The following ADSL variants were observed in gnomAD, a reference collection of about 807,000 sequenced individuals.
ADSL encodes the protein adenylosuccinate lyase.
Under a neutral mutation model 62.1 loss-of-function variants are expected in ADSL, and 44 were observed. That is an observed-to-expected ratio of 0.71 (90% CI 0.56 to 0.91). ADSL has a LOEUF of 0.91. ADSL is among the 40% of genes least tolerant of loss of function. ADSL has a pLI of 0.00. For synonymous variants in ADSL, 198 were observed against 220.5 expected, an observed-to-expected ratio of 0.90 and a Z score of 0.90; for missense variants, 531 against 627.4, an observed-to-expected ratio of 0.85 and a Z score of 1.64.
At chr22:40,348,882 G>A (rs1486496735) in intron 1 of ADSL, 1 of 313,976 alleles carries the variant, frequency 3.2e-6, no homozygotes, top group Non-Finnish European at 5.8e-6. Flanking sequence ...CTGCCTGTGG[G>A]CTGCCAGCTA....
At chr22:40,361,158 C>A in intron 7 of ADSL, 115 bp from the exon 8 acceptor site, 1 of 983,090 alleles carries the variant, frequency 1.0e-6, no homozygotes, top group African/African-American at 1.6e-5. Context: ...CGCTGGTCTT[C>A]AGCTCAGCCA....
intron 11 of ADSL, 29 bp downstream of exon 11, chr22:40,364,394 G>A (rs2044919487): frequency 1.3e-6 from 2 of 1,593,682 alleles, no homozygotes; most frequent in African/African-American, 1.3e-5. Flanking sequence ...TCCTGGATAA[G>A]TTGAGAGTGC....
rs2045079816 is a variant in ADSL, at chr22:40,368,783, GC to G, written c.*2262del. The G allele has an allele frequency of 6.6e-6, 1 of 151,986 alleles. No homozygotes were observed. 9.4% of individuals were successfully genotyped at this position (151,986 alleles called of 1,614,324 possible). On this transcript the variant is annotated 3_prime_UTR_variant, in exon 13 of 13. Transcript: ENST00000623063. Reference sequence around the variant, plus strand: ...CTCTACTAAAAATACAATCAACCGGGCGTGGTGGCAGGCGCCTATAGTCCCA... The same window carrying G: ...CTCTACTAAAAATACAATCAACCGGGGTGGTGGCAGGCGCCTATAGTCCCA...
At chr22:40,377,573 C>T (rs535207570) in intron 2 of ADSL, among the ~76,000 whole-genome samples, 34 of 152,260 alleles carry the variant, frequency 2.2e-4, no homozygotes, top group Middle Eastern at 6.8e-3. Flanking sequence ...TCGTGGCTCA[C>T]GCCTGTAATC....
intron 2 of ADSL, among the ~76,000 whole-genome samples, chr22:40,383,950 G>A (rs1259403175): frequency 2.0e-5 from 3 of 152,132 alleles, no homozygotes; most frequent in Admixed American, 6.5e-5. Context: ...TGATATGAGA[G>A]TAAAAGCAGG....
intron 2 of ADSL, among the ~76,000 whole-genome samples, chr22:40,385,253 T>G (rs2048230878): frequency 1.3e-5 from 2 of 150,880 alleles, no homozygotes; most frequent in Non-Finnish European, 3.0e-5. Flanking sequence ...GCTTAAGGAG[T>G]GAGTTGATTG....
chr22:40,364,280 T>C lies in ADSL; in HGVS notation c.1106T>C (p.Ile369Thr), dbSNP rs755688868. The change falls in exon 11 of 13, where the codon ATT becomes ACT. Residue 369 changes from isoleucine to threonine, a missense_variant. By Grantham distance (89) the Ile-to-Thr change is moderately conservative (BLOSUM62 -1). Coordinates refer to ENST00000623063, the MANE Select transcript of ADSL (RefSeq NM_000026.4). ...SEGLVVYPKV[I>T]ERRIRQELPF... ...TCACCGTATCTTTTCCTATAGGTAA[T>C]TGAACGGCGCATTCGGCAAGAGCTG... The C allele has an allele frequency of 2.2e-5, 36 of 1,613,812 alleles. No individual in the cohort carries two copies. Among genetic ancestry groups the C allele is most frequent in the Middle Eastern group, 1.7e-4 (1 of 5,990 alleles).
intron 2 of ADSL, among the ~76,000 whole-genome samples, chr22:40,384,069 T>C (rs2048029132): frequency 2.0e-5 from 3 of 152,054 alleles, no homozygotes. Context: ...GGCAAGATAG[T>C]AGGACCTTGT....
At chr22:40,357,104 C>T (rs373281271) in intron 4 of ADSL, among the ~76,000 whole-genome samples, 2 of 152,092 alleles carry the variant, frequency 1.3e-5, no homozygotes, top group South Asian at 2.1e-4. Flanking sequence ...CCATGTTGGC[C>T]AGGCTGGTCT....
chr22:40,385,633 A>G (rs2146841572), intron 2 of ADSL, among the ~76,000 whole-genome samples: 1 of 152,334 alleles, frequency 6.6e-6, no homozygotes, highest in Non-Finnish European at 1.5e-5. Context: ...AGCTTCGTTA[A>G]AGCTGGAGTA....
At chr22:40,346,738 G>A in intron 1 of ADSL, 27 bp downstream of exon 1, 1 of 1,581,796 alleles carries the variant, frequency 6.3e-7, no homozygotes, top group Non-Finnish European at 8.6e-7. Flanking sequence ...TGAGGGGCTG[G>A]GCCGGGAGGG....
chr22:40,348,031 T>A (rs754085721), intron 1 of ADSL, among the ~76,000 whole-genome samples: 5 of 152,198 alleles, frequency 3.3e-5, no homozygotes, highest in Non-Finnish European at 7.3e-5. Context: ...TCTGAGTATG[T>A]GTTCTTTGTG....
downstream of ADSL, among the ~76,000 whole-genome samples, chr22:40,374,167 G>C (rs2046119987): frequency 6.6e-6 from 1 of 151,058 alleles, no homozygotes; most frequent in South Asian, 2.1e-4. Flanking sequence ...GTGTTAGCCA[G>C]AATGGTCTTG....
chr22:40,359,819 C>G (rs1475543691), intron 6 of ADSL, among the ~76,000 whole-genome samples: 1 of 152,220 alleles, frequency 6.6e-6, no homozygotes, highest in African/African-American at 2.4e-5. Context: ...GCATGAGCCA[C>G]CATGCCTGAC....
chr22:40,362,632 G>T (rs2044835991), intron 9 of ADSL, among the ~76,000 whole-genome samples: 1 of 152,214 alleles, frequency 6.6e-6, no homozygotes. Flanking sequence ...AGAGCTTGGT[G>T]AGTGGGGCGC....
In ADSL at chr22:40,348,914, CA is replaced by C. The variant is rs1413464622; in HGVS notation, c.154-917del. 1.5e-5 allele frequency: 4 copies of C among 263,708 alleles called. No homozygotes were observed. The East Asian group carries it at 2.6e-4, about 17-fold the overall frequency. The allele number at this position is 263,708 out of a possible 1,614,324, so 16.3% of individuals were successfully genotyped here. A position where few individuals can be genotyped will look rare whatever the true frequency, so the allele number is the denominator to read the frequency against. On this transcript the variant is annotated intron_variant, in intron 1 of 12. Coordinates refer to ENST00000623063, the MANE Select transcript of ADSL (RefSeq NM_000026.4). ...GCTATTTTTTGCAGCCTAATTTTTC[CA>C]GTGATGGATGAATGTAAGACATCAA...
chr22:40,353,353 C>A lies in ADSL; in HGVS notation c.402+236C>A, dbSNP rs183822228. The A allele has an allele frequency of 1.2e-4, 84 of 702,874 alleles. No individual in the cohort carries two copies. In the African/African-American group the frequency reaches 1.3e-3, roughly 11 times the overall value. 43.5% of individuals were successfully genotyped at this position (702,874 alleles called of 1,614,324 possible). On this transcript the variant is annotated intron_variant, in intron 3 of 12. Coordinates refer to ENST00000623063, the MANE Select transcript of ADSL (RefSeq NM_000026.4). ...GCCAGAGTCTCATTCTGTCAAGGGG[C>A]GTGATCAAGGCTTATTGCAACCTCC... is the stretch of plus-strand genomic sequence containing the variant.
At chr22:40,370,527 C>T (rs1223850197), downstream of ADSL, 1 of 152,318 alleles carries the variant, frequency 6.6e-6, no homozygotes, top group Non-Finnish European at 1.5e-5. Context: ...TGGACGCGCC[C>T]CGCCTAGTGG....
chr22:40,355,434 A>G (rs2044516982), intron 4 of ADSL, among the ~76,000 whole-genome samples: 2 of 152,302 alleles, frequency 1.3e-5, no homozygotes, highest in South Asian at 2.1e-4. Flanking sequence ...CTGGGATTAC[A>G]GGCGTGAGCC....
Sources: allele counts gnomAD v4.1 joint callset (sites outside exome capture counted in the v4.1 genomes callset), GRCh38; gene constraint gnomAD v4.1.1; transcripts MANE v1.5; gene names NCBI Gene and HGNC (gene_info 2026-07-23, HGNC 2026-07-21).